The following ACO1 variants were observed in gnomAD, a reference collection of about 807,000 sequenced individuals.
The protein encoded by ACO1 is aconitase 1.
ACO1 carries 78 observed loss-of-function variants against 105.1 expected under a neutral mutation model. The ratio of observed to expected loss-of-function variants is 0.74; its 90% confidence interval spans 0.62 to 0.90. The LOEUF is 0.90. ACO1 is among the 40% of genes least tolerant of loss of function. The pLI, the probability that ACO1 is intolerant of heterozygous loss-of-function variation, is 0.00. For missense variants in ACO1, 965 were observed against 1,111.1 expected (o/e 0.87, Z 1.87); for synonymous variants, 364 against 397.4 (o/e 0.92, Z 1.00).
intron 1 of ACO1, among the ~76,000 whole-genome samples, chr9:32,401,288 C>G (rs1341116848): frequency 1.3e-5 from 2 of 152,008 alleles, no homozygotes; most frequent in African/African-American, 2.4e-5. Context: ...TGTGATACAC[C>G]TAGGTAGTAC....
In ACO1 at chr9:32,439,384, G is replaced by T. The variant is rs1207886502; in HGVS notation, c.2248-1081G>T. Among the ~76,000 whole-genome samples the T allele has an allele frequency of 6.6e-6, 1 of 152,154 alleles. No individual in the cohort carries two copies. The highest frequency in any genetic ancestry group is 2.4e-5 in the African/African-American group (1 of 41,428). The stretch of plus-strand genomic sequence containing the variant: ...GTAATGCATGCGAAATTAACCACAG[G>T]TTCCATCAGTACACCAAAATACAAA... On this transcript the variant is annotated intron_variant, in intron 18 of 20. Transcript: ENST00000309951. The surrounding 1 kb of genome is among the most constrained non-coding windows in gnomAD (Gnocchi z 4.0).
intron 4 of ACO1, among the ~76,000 whole-genome samples, chr9:32,409,203 T>A (rs1301555897): frequency 6.6e-6 from 1 of 152,190 alleles, no homozygotes; most frequent in African/African-American, 2.4e-5. Context: ...TCCTTTACTT[T>A]CCAGCCTACG....
At chr9:32,432,683 T>G (rs1467712) in intron 15 of ACO1, among the ~76,000 whole-genome samples, 52,459 of 152,096 alleles carry the variant, frequency 0.34, 9,163 homozygotes, top group East Asian at 0.51. Context: ...CAGAGAGTAA[T>G]TTCCCCTTTG....
chr9:32,394,948 C>CT (rs11424780), intron 1 of ACO1, among the ~76,000 whole-genome samples: 129,603 of 151,766 alleles, frequency 0.85, 56,964 homozygotes, highest in Non-Finnish European at 0.97. Context: ...AAAGATGGCC[C>CT]AGAAGACCTC....
At chr9:32,448,106 A>T (rs1822661974) in intron 19 of ACO1, among the ~76,000 whole-genome samples, 1 of 152,160 alleles carries the variant, frequency 6.6e-6, no homozygotes. Context: ...CAGAGCTGTC[A>T]AGCAGGGACA....
In ACO1 at chr9:32,427,425, G is replaced by C; in HGVS notation, c.1473G>C (p.Leu491=). 6.2e-7 allele frequency: 1 copy of C among 1,614,194 alleles called. No individual in the cohort carries two copies. ...YLQESGVMPY[L]SQLGFDVVGY... ...AAGAAAGCGGAGTCATGCCTTATCT[G>C]TCTCAGCTTGGGTGAGGGAGAGTTT... The change falls in exon 12 of 21, where the codon CTG becomes CTC. Residue 491 remains leucine, a synonymous_variant. Coordinates refer to ENST00000309951, the MANE Select transcript of ACO1 (RefSeq NM_002197.3).
At chr9:32,397,177 T>C (rs1441627498) in intron 1 of ACO1, among the ~76,000 whole-genome samples, 1 of 152,204 alleles carries the variant, frequency 6.6e-6, no homozygotes, top group African/African-American at 2.4e-5. Context: ...ACATACTTAG[T>C]GCTCAAGAAA....
chr9:32,446,286 C>A (rs2118576630), intron 19 of ACO1, among the ~76,000 whole-genome samples: 1 of 152,036 alleles, frequency 6.6e-6, no homozygotes, highest in South Asian at 2.1e-4. Flanking sequence ...GTATTGGGTG[C>A]ATATATATTT....
Position 32,420,861 on chromosome 9 carries a change from C to T in ACO1, c.804C>T (p.Leu268=). The T allele has an allele frequency of 6.2e-7, 1 of 1,613,396 alleles. No individual in the cohort carries two copies. Among genetic ancestry groups the T allele is most frequent in the Non-Finnish European group, 8.5e-7 (1 of 1,179,510 alleles). Residue 268 remains leucine (L), a synonymous_variant, in exon 8 of 21, where the codon CTC becomes CTT. Coordinates refer to ENST00000309951, the MANE Select transcript of ACO1 (RefSeq NM_002197.3). ...CTGTTGTTTCTGCTGCTTAGCACCT[C>T]CGCCAGGTTGGGGTAGTGGGCAAAT... The part of the protein sequence containing the change: ...TDIVLTITKH[L]RQVGVVGKFV...
intron 20 of ACO1, 56 bp from the exon 21 acceptor site, chr9:32,449,942 G>A (rs529112457): frequency 4.4e-5 from 64 of 1,439,898 alleles, no homozygotes; most frequent in Admixed American, 6.8e-5. Context: ...AATTTCCTCC[G>A]AGCAGAGCTG....
intron 1 of ACO1, among the ~76,000 whole-genome samples, chr9:32,389,517 G>A (rs1020213562): frequency 2.8e-4 from 42 of 152,080 alleles, no homozygotes; most frequent in African/African-American, 8.9e-4. Flanking sequence ...TGTGAGGCAT[G>A]GCGAACCGAA....
intron 19 of ACO1, among the ~76,000 whole-genome samples, chr9:32,443,990 G>A (rs1292847929): frequency 6.6e-6 from 1 of 152,064 alleles, no homozygotes. Context: ...CCGCCAACAG[G>A]CCCCAGTGTG....
intron 19 of ACO1, among the ~76,000 whole-genome samples, chr9:32,444,698 T>C (rs747748784): frequency 1.3e-5 from 2 of 152,234 alleles, no homozygotes; most frequent in Non-Finnish European, 2.9e-5. Flanking sequence ...TGTGCCGGTT[T>C]TCAAATGGAA....
At position 32,434,657 on chromosome 9, in the gene ACO1, T is replaced by G; in HGVS notation, c.2055T>G (p.Asn685Lys). The change falls in exon 17 of 21, where the codon AAT (asparagine) becomes AAG (lysine). Residue 685 changes from asparagine (N) to lysine (K), a missense_variant. Asn to Lys is a moderately conservative substitution (Grantham distance 94, BLOSUM62 0). Coordinates refer to ENST00000309951, the MANE Select transcript of ACO1 (RefSeq NM_002197.3). ...VTTDHISPAGNIARNSPAARY... is the reference protein window; with the variant it reads ...VTTDHISPAGKIARNSPAARY... The stretch of plus-strand genomic sequence containing the variant: ...CTGACCACATCTCCCCAGCTGGAAA[T>G]ATTGCAAGAAACAGTCCTGCTGCTC... 6.2e-7 allele frequency: 1 copy of G among 1,614,052 alleles called. No homozygotes were observed. The highest frequency in any genetic ancestry group is 8.5e-7 in the Non-Finnish European group (1 of 1,179,978).
intron 14 of ACO1, among the ~76,000 whole-genome samples, chr9:32,431,110 C>T (rs371424838): frequency 1.3e-5 from 2 of 152,136 alleles, no homozygotes; most frequent in East Asian, 1.9e-4. Flanking sequence ...TGCAGATTTG[C>T]GTAGTCACTA....
At chr9:32,424,435 A>G (rs1450832439) in intron 9 of ACO1, 114 bp from the exon 10 acceptor site, 1 of 681,988 alleles carries the variant, frequency 1.5e-6, no homozygotes. Flanking sequence ...GGAATGTGGT[A>G]GTTTATTTGC....
chr9:32,424,925 C>T (rs1285244787), intron 10 of ACO1, among the ~76,000 whole-genome samples: 1 of 138,790 alleles, frequency 7.2e-6, no homozygotes, highest in Non-Finnish European at 1.6e-5. Flanking sequence ...TTTACTCACC[C>T]GAGGTTTTCT....
At chr9:32,420,447 T>A (rs1453438420) in intron 7 of ACO1, among the ~76,000 whole-genome samples, 1 of 152,252 alleles carries the variant, frequency 6.6e-6, no homozygotes, top group East Asian at 1.9e-4. Context: ...TTTCTTTTTA[T>A]AAATAAAAAC....
intron 1 of ACO1, among the ~76,000 whole-genome samples, chr9:32,396,438 T>C (rs563992783): frequency 6.6e-6 from 1 of 152,320 alleles, no homozygotes; most frequent in African/African-American, 2.4e-5. Context: ...CCTCATGTGG[T>C]CTGGCCGCTA....
Sources: gnomAD v4.1 joint callset for allele counts (sites outside exome capture counted in the v4.1 genomes callset) on GRCh38, gnomAD v4.1.1 for gene constraint, Gnocchi (gnomAD v3.1) non-coding constraint, MANE v1.5 for transcripts, NCBI Gene and HGNC (gene_info 2026-07-23, HGNC 2026-07-21) for gene names.